ZMYM4: variants seen among roughly 807,000 people sequenced by gnomAD.
ZMYM4 encodes the protein zinc finger MYM-type protein 4.
In ZMYM4, 31 loss-of-function variants were observed where a neutral mutation model predicts 183.2. The observed-to-expected ratio is 0.17, with a 90% CI of 0.13 to 0.23. The LOEUF (loss-of-function observed/expected upper bound fraction) is 0.23. Among genes scored for constraint, ZMYM4 ranks in the 10% least tolerant of loss-of-function variants. The pLI is 1.00. For synonymous variants in ZMYM4, 592 were observed against 631.2 expected (o/e 0.94, Z 0.93); for missense variants, 1,273 against 1,840.3 (o/e 0.69, Z 5.64).
In ZMYM4 at chr1:35,309,334, A is replaced by T. The variant is rs553341904; in HGVS notation, c.40-16026A>T. Among the ~76,000 whole-genome samples, 13 of 152,280 alleles carry T rather than the reference A, an allele frequency of 8.5e-5. 2 individuals carry two copies. Among genetic ancestry groups the T allele is most frequent in the African/African-American group, 2.6e-4 (11 of 41,570 alleles). ...CTTAAATTTTAAGAATAGCTTTATG[A>T]TTGCATTATGTATTCAACAAACACA... On this transcript the variant is annotated intron_variant, in intron 1 of 29. Coordinates refer to ENST00000314607, the MANE Select transcript of ZMYM4 (RefSeq NM_005095.3).
intron 9 of ZMYM4, 118 bp downstream of exon 9, chr1:35,381,876 G>A: frequency 8.0e-7 from 1 of 1,247,268 alleles, no homozygotes; most frequent in South Asian, 1.5e-5. Flanking sequence ...CAAGTGCCAT[G>A]GCTCACACCT....
In ZMYM4 at chr1:35,358,936, A is replaced by G; in HGVS notation, c.97A>G (p.Met33Val). 6.2e-7 allele frequency: 1 copy of G among 1,611,490 alleles called. No individual in the cohort carries two copies. Among genetic ancestry groups the G allele is most frequent in the Non-Finnish European group, 8.5e-7 (1 of 1,178,282 alleles). Residue 33 changes from methionine (M) to valine (V), a missense_variant, in exon 3 of 30, where the codon ATG becomes GTG. Around this residue, in one of 6 missense-constraint regions of ZMYM4, gnomAD observed 384 missense variants for 465.6 expected, o/e 0.82. Coordinates refer to ENST00000314607, the MANE Select transcript of ZMYM4 (RefSeq NM_005095.3). Reference protein sequence around the residue: ...DEIVENCGGIMDTEMSEDIDH... With the variant: ...DEIVENCGGIVDTEMSEDIDH... ...TTTTACTTTTTAAGGTGGTGGTATC[A>G]TGGATACAGAAATGTCTGAAGATAT... is the stretch of plus-strand genomic sequence containing the variant.
chr1:35,380,548 G>T (rs527689936), intron 7 of ZMYM4, among the ~76,000 whole-genome samples: 1 of 152,006 alleles, frequency 6.6e-6, no homozygotes, highest in Admixed American at 6.6e-5. Context: ...GGATGCTCTC[G>T]ATCTCCTGAC....
intron 23 of ZMYM4, among the ~76,000 whole-genome samples, chr1:35,401,112 T>A (rs1239905992): frequency 6.6e-6 from 1 of 152,216 alleles, no homozygotes; most frequent in East Asian, 1.9e-4. Context: ...TGTGTGAACA[T>A]ATGTTTTCAT....
intron 2 of ZMYM4, among the ~76,000 whole-genome samples, chr1:35,336,858 G>A (rs2148849692): frequency 6.6e-6 from 1 of 152,342 alleles, no homozygotes; most frequent in East Asian, 1.9e-4. Context: ...CAAAAGGGAA[G>A]TGATTGGATT....
chr1:35,370,726 C>CA, intron 7 of ZMYM4, 99 bp downstream of exon 7: 1 of 630,310 alleles, frequency 1.6e-6, no homozygotes, highest in Non-Finnish European at 2.1e-6. Context: ...TACATTTATT[C>CA]CTTTTTTTTT....
intron 1 of ZMYM4, among the ~76,000 whole-genome samples, chr1:35,293,597 G>A (rs1442119400): frequency 6.6e-6 from 1 of 152,122 alleles, no homozygotes; most frequent in Non-Finnish European, 1.5e-5. Context: ...GATTACAGGC[G>A]TGAGCTCCTG....
chr1:35,406,521 T>A (rs1463542321), intron 25 of ZMYM4, among the ~76,000 whole-genome samples: 1 of 151,974 alleles, frequency 6.6e-6, no homozygotes, highest in African/African-American at 2.4e-5. Context: ...ACCCTGTCTC[T>A]AAAAAAATAA....
At chr1:35,282,771 G>A (rs1640239701) in intron 1 of ZMYM4, among the ~76,000 whole-genome samples, 1 of 152,138 alleles carries the variant, frequency 6.6e-6, no homozygotes, top group South Asian at 2.1e-4. Context: ...ACCAAGGCTG[G>A]TCTTGAACTC....
At chr1:35,288,318 G>A (rs1180708261) in intron 1 of ZMYM4, among the ~76,000 whole-genome samples, 1 of 152,116 alleles carries the variant, frequency 6.6e-6, no homozygotes, top group African/African-American at 2.4e-5. Context: ...ATGAAAACAT[G>A]TTTATCTTTG....
intron 7 of ZMYM4, among the ~76,000 whole-genome samples, chr1:35,376,738 A>T (rs891799924): frequency 5.9e-5 from 9 of 151,330 alleles, no homozygotes; most frequent in Non-Finnish European, 1.0e-4. Flanking sequence ...ATTGGCCAGG[A>T]TGGTCTTGAT....
At chr1:35,404,998 C>A (rs1570538116) in intron 23 of ZMYM4, 25 bp from the exon 24 acceptor site, 2 of 1,559,280 alleles carry the variant, frequency 1.3e-6, no homozygotes, top group East Asian at 2.3e-5. Context: ...ATTTTATGTT[C>A]TGTAAATTTT....
At chr1:35,368,590 T>A (rs1340546562) in intron 5 of ZMYM4, among the ~76,000 whole-genome samples, 1 of 152,168 alleles carries the variant, frequency 6.6e-6, no homozygotes, top group East Asian at 1.9e-4. Flanking sequence ...CTGGAGTAAA[T>A]ATAATTAAGA....
chr1:35,389,827 A>G lies in ZMYM4; in HGVS notation c.2437-121A>G, dbSNP rs946144964. On this transcript the variant is annotated intron_variant, in intron 14 of 29. Coordinates refer to ENST00000314607, the MANE Select transcript of ZMYM4 (RefSeq NM_005095.3). The surrounding 1 kb of genome is among the most constrained non-coding windows in gnomAD (Gnocchi z 4.0). ...TGTGTGTATAATCATTGATAAAGAC[A>G]AACTAATTTTTTGATCTAAATTCTA... 2 of 903,022 alleles carry G rather than the reference A, an allele frequency of 2.2e-6. No homozygotes were observed. The highest frequency in any genetic ancestry group is 3.3e-6 in the Non-Finnish European group (2 of 605,672). The allele number at this position is 903,022 out of a possible 1,614,324, so 55.9% of individuals were successfully genotyped here. A position where few individuals can be genotyped will look rare whatever the true frequency, so the allele number is the denominator to read the frequency against.
chr1:35,327,585 A>G (rs1217868548), intron 2 of ZMYM4, among the ~76,000 whole-genome samples: 2 of 152,210 alleles, frequency 1.3e-5, no homozygotes, highest in East Asian at 3.8e-4. Context: ...AGAGGTAACT[A>G]TATCTCCTGA....
At chr1:35,346,489 A>G (rs897308113) in intron 2 of ZMYM4, among the ~76,000 whole-genome samples, 1 of 152,068 alleles carries the variant, frequency 6.6e-6, no homozygotes, top group Admixed American at 6.6e-5. Context: ...TGCCTGTACT[A>G]CAAACACAAA....
chr1:35,305,510 C>A (rs1167557794), intron 1 of ZMYM4, among the ~76,000 whole-genome samples: 1 of 150,230 alleles, frequency 6.7e-6, no homozygotes, highest in Non-Finnish European at 1.5e-5. Context: ...CTTGGGCCAC[C>A]ATGCTTGGCT....
intron 1 of ZMYM4, among the ~76,000 whole-genome samples, chr1:35,294,784 G>A (rs1025275720): frequency 6.6e-5 from 10 of 152,144 alleles, no homozygotes; most frequent in African/African-American, 2.2e-4. Flanking sequence ...CTTTCCAAGC[G>A]TAAACAAAAA....
chr1:35,291,442 A>G lies in ZMYM4; in HGVS notation c.39+22357A>G, dbSNP rs572820375. ...TATTTTGATGAAGTCTACTTTATCA[A>G]TTTTTTTCTTTTATGGATTATGCTT... On this transcript the variant is annotated intron_variant, in intron 1 of 29. Coordinates refer to ENST00000314607, the MANE Select transcript of ZMYM4 (RefSeq NM_005095.3). Among the ~76,000 whole-genome samples, 174 of 151,698 alleles carry G rather than the reference A, an allele frequency of 1.1e-3. 1 individual carries two copies. The highest frequency in any genetic ancestry group is 4.1e-3 in the African/African-American group (169 of 41,392).
Sources: allele counts gnomAD v4.1 joint callset (sites outside exome capture counted in the v4.1 genomes callset), GRCh38; gene constraint gnomAD v4.1.1; regional missense constraint gnomAD v4.1.1; non-coding constraint Gnocchi (gnomAD v3.1); transcripts MANE v1.5; gene names NCBI Gene and HGNC (gene_info 2026-07-23, HGNC 2026-07-21).